The following SCUBE2 variants were observed in gnomAD, a reference collection of about 807,000 sequenced individuals.
SCUBE2 encodes the protein signal peptide, CUB domain and EGF like domain containing 2.
Under a neutral mutation model 125.9 loss-of-function variants are expected in SCUBE2, and 114 were observed. The ratio of observed to expected loss-of-function variants is 0.91; its 90% CI spans 0.78 to 1.06. The LOEUF (loss-of-function observed/expected upper bound fraction) is 1.06. Among genes scored for constraint, SCUBE2 ranks in the 50% least tolerant of loss-of-function variants. The pLI is 0.00. For missense variants in SCUBE2, 1,255 were observed against 1,301.8 expected, an observed-to-expected ratio of 0.96 and a Z score of 0.55; for synonymous variants, 459 against 492.9, an observed-to-expected ratio of 0.93 and a Z score of 0.91.
intron 21 of SCUBE2, among the ~76,000 whole-genome samples, chr11:9,025,176 C>T (rs563849695): frequency 6.6e-6 from 1 of 152,262 alleles, no homozygotes; most frequent in South Asian, 2.1e-4. Flanking sequence ...TCTGACTTGC[C>T]CAAGATCCCA....
At chr11:9,080,107 G>T (rs1861521178) in intron 2 of SCUBE2, among the ~76,000 whole-genome samples, 1 of 152,178 alleles carries the variant, frequency 6.6e-6, no homozygotes, top group Non-Finnish European at 1.5e-5. Context: ...ATAGATCAAT[G>T]GAACAGAACT....
chr11:9,065,814 G>A, intron 7 of SCUBE2, 77 bp downstream of exon 7: 3 of 1,285,974 alleles, frequency 2.3e-6, no homozygotes, highest in South Asian at 1.2e-5. Flanking sequence ...TGGCTCCCAA[G>A]TTCAGGTCTG....
chr11:9,027,539 C>A lies in SCUBE2; in HGVS notation c.2526G>T (p.Leu842=). 1 of 1,613,710 alleles carries A rather than the reference C, an allele frequency of 6.2e-7. No individual in the cohort carries two copies. The highest frequency in any genetic ancestry group is 2.2e-5 in the East Asian group (1 of 44,860). ...QCKNRRCGGE[L]GDFTGYIESP... is the part of the protein sequence containing the mutation. The stretch of plus-strand genomic sequence containing the variant: ...ATTCAATGTACCCAGTGAAATCTCC[C>A]AGCTCCCCTCCACATCTTCTGTCTG... The change falls in exon 20 of 23, where the codon CTG becomes CTT. Residue 842 remains leucine, a synonymous_variant. Transcript: ENST00000649792.
chr11:9,027,339 AAGGG>A lies in SCUBE2; in HGVS notation c.2701+21_2701+24del, dbSNP rs1566161627. The A allele has an allele frequency of 3.7e-6, 6 of 1,611,290 alleles. No individual in the cohort carries two copies. In the South Asian group the frequency reaches 4.4e-5, roughly 12 times the overall value. On this transcript the variant is annotated intron_variant, in intron 20 of 22. Transcript: ENST00000649792. ...ATCAGGCTTCCCAGCTGGCCTGAGA[AAGGG>A]AGGGAGGGAGTGAGACGCACAGGTT...
chr11:9,088,869 G>A (rs1398308808), intron 2 of SCUBE2, among the ~76,000 whole-genome samples: 1 of 152,206 alleles, frequency 6.6e-6, no homozygotes, highest in East Asian at 1.9e-4. Context: ...AGCTAGGGGT[G>A]GAGACCTGAC....
rs985299921 is a variant in SCUBE2 at position 9,091,115 on chromosome 11, G to T, written c.133+281C>A. On this transcript the variant is annotated intron_variant, in intron 1 of 22. Coordinates refer to ENST00000649792, the MANE Select transcript of SCUBE2 (RefSeq NM_001367977.2). This position sits in a 1 kb window ranked among gnomAD's most constrained non-coding sequence, Gnocchi z 8.5. ...GTCCGCACCCTCCTGCCTGCTCGCCGGCGACGGTCTGACTAGCAGGCGCTC... is the reference window on the plus strand; with the variant it reads ...GTCCGCACCCTCCTGCCTGCTCGCCTGCGACGGTCTGACTAGCAGGCGCTC... Among the ~76,000 whole-genome samples the T allele has an allele frequency of 6.6e-6, 1 of 152,192 alleles. No homozygotes were observed. The highest frequency in any genetic ancestry group is 6.5e-5 in the Admixed American group (1 of 15,288).
Position 9,079,451 on chromosome 11 carries a change from A to C in SCUBE2, c.315T>G (p.Ile105Met). Residue 105 changes from isoleucine to methionine, a missense_variant, in exon 3 of 23, where the codon ATT (isoleucine) becomes ATG (methionine). By Grantham distance (10) the Ile-to-Met change is conservative. This residue lies in a region of SCUBE2 where 362 missense variants were observed against 323.0 expected (regional missense o/e 1.12). Transcript: ENST00000649792. ...AACAAGTGCAACGATAATTGCCTGG[A>C]ATATTCAAACAGTCATGGACACAGC... ...NGGCVHDCLN[I>M]PGNYRCTCFD... The C allele has an allele frequency of 1.2e-6, 2 of 1,614,192 alleles. No individual in the cohort carries two copies. The highest frequency in any genetic ancestry group is 1.7e-6 in the Non-Finnish European group (2 of 1,180,012).
At chr11:9,045,921 A>G (rs1224912317) in intron 16 of SCUBE2, among the ~76,000 whole-genome samples, 1 of 151,816 alleles carries the variant, frequency 6.6e-6, no homozygotes, top group Non-Finnish European at 1.5e-5. Flanking sequence ...AATCAAACCT[A>G]ATTTAGCATG....
intron 3 of SCUBE2, among the ~76,000 whole-genome samples, chr11:9,075,702 G>T: frequency 6.6e-6 from 1 of 152,232 alleles, no homozygotes; most frequent in Admixed American, 6.5e-5. Flanking sequence ...AGAGGGAGGG[G>T]AAGAATGGGC....
At chr11:9,072,186 T>G (rs1860851402) in intron 4 of SCUBE2, among the ~76,000 whole-genome samples, 1 of 151,540 alleles carries the variant, frequency 6.6e-6, no homozygotes, top group Non-Finnish European at 1.5e-5. Flanking sequence ...CCACTGTGGG[T>G]TTTGTTTTGT....
intron 7 of SCUBE2, chr11:9,065,289 T>C (rs1860100021): frequency 6.6e-6 from 1 of 152,302 alleles, no homozygotes; most frequent in Non-Finnish European, 1.5e-5. Context: ...GATTGGATTA[T>C]GGGGGCGGTT....
At chr11:9,023,912 C>T (rs946763725) in intron 21 of SCUBE2, among the ~76,000 whole-genome samples, 2 of 152,024 alleles carry the variant, frequency 1.3e-5, no homozygotes, top group African/African-American at 4.8e-5. Flanking sequence ...TCAGAGGGCC[C>T]GTCTGTAGCA....
chr11:9,052,912 C>T (rs1047424577), intron 12 of SCUBE2, 80 bp from the exon 13 acceptor site: 15 of 1,197,000 alleles, frequency 1.3e-5, no homozygotes, highest in Non-Finnish European at 1.8e-5. Flanking sequence ...GTCCCCCCAC[C>T]CCACTCCACA....
chr11:9,077,874 C>T (rs561168118), intron 3 of SCUBE2, among the ~76,000 whole-genome samples: 1 of 152,320 alleles, frequency 6.6e-6, no homozygotes, highest in Non-Finnish European at 1.5e-5. Flanking sequence ...ACTCTGCCTT[C>T]AGGGTTTCCA....
At chr11:9,024,623 C>G (rs929187309) in intron 21 of SCUBE2, among the ~76,000 whole-genome samples, 2 of 152,210 alleles carry the variant, frequency 1.3e-5, no homozygotes, top group African/African-American at 4.8e-5. Flanking sequence ...CCAAGCCCCA[C>G]ACACCCAACC....
chr11:9,066,583 G>T, intron 6 of SCUBE2, 114 bp downstream of exon 6: 1 of 848,754 alleles, frequency 1.2e-6, no homozygotes, highest in Middle Eastern at 3.4e-4. Context: ...GGGCCTGCTG[G>T]GGGGGCAAAT....
rs557253010 is a variant in SCUBE2, at chr11:9,040,435, C to G, written c.2003-6639G>C. 5.9e-5 allele frequency among the ~76,000 whole-genome samples: 9 copies of G among 151,826 alleles called. No individual in the cohort carries two copies. The South Asian group carries it at 1.5e-3, about 25-fold the overall frequency. On this transcript the variant is annotated intron_variant, in intron 16 of 22. Transcript: ENST00000649792. ...TGACTAACATGGGGGAGGGTATACA[C>G]CGTGGGTACACAGGAGAAAGGGAGG...
At chr11:9,042,296 CT>C (rs1277930134) in intron 16 of SCUBE2, among the ~76,000 whole-genome samples, 2 of 152,134 alleles carry the variant, frequency 1.3e-5, no homozygotes, top group Non-Finnish European at 2.9e-5. Flanking sequence ...TCTCTATCCC[CT>C]ATTCTTCGTC....
At chr11:9,024,565 G>A (rs1855564306) in intron 21 of SCUBE2, among the ~76,000 whole-genome samples, 1 of 152,138 alleles carries the variant, frequency 6.6e-6, no homozygotes, top group Admixed American at 6.5e-5. Flanking sequence ...TGGCCCTGAA[G>A]GCTCTTCACA....
Sources: allele counts gnomAD v4.1 joint callset (sites outside exome capture counted in the v4.1 genomes callset), GRCh38; gene constraint gnomAD v4.1.1; regional missense constraint gnomAD v4.1.1; non-coding constraint Gnocchi (gnomAD v3.1); transcripts MANE v1.5; gene names NCBI Gene and HGNC (gene_info 2026-07-23, HGNC 2026-07-21).